CD55: variants seen among roughly 807,000 people sequenced by gnomAD.
CD55 encodes CD55 molecule (Cromer blood group).
Under a neutral mutation model 45.8 loss-of-function variants are expected in CD55, and 41 were observed. That is an observed-to-expected ratio of 0.90 (90% CI 0.70 to 1.16). CD55 has a LOEUF of 1.16. Ranked by LOEUF, CD55 falls within the 50% of genes most tolerant of loss-of-function variation. CD55 has a pLI of 0.00. For synonymous variants in CD55, 181 were observed against 181.1 expected, an observed-to-expected ratio of 1.00 and a Z score of 0.01; for missense variants, 416 against 469.8, an observed-to-expected ratio of 0.89 and a Z score of 1.06.
intron 2 of CD55, among the ~76,000 whole-genome samples, chr1:207,324,054 G>A (rs1654554334): frequency 6.6e-6 from 1 of 152,010 alleles, no homozygotes; most frequent in African/African-American, 2.4e-5. Context: ...ACAATTTGTG[G>A]GCAATCTGTT....
chr1:207,352,331 C>T (rs528323007), intron 9 of CD55, among the ~76,000 whole-genome samples: 1 of 152,090 alleles, frequency 6.6e-6, no homozygotes, highest in Non-Finnish European at 1.5e-5. Context: ...CTCCACCACA[C>T]ATATACTGTA....
chr1:207,352,861 G>C (rs901619056), intron 9 of CD55, among the ~76,000 whole-genome samples: 2 of 151,778 alleles, frequency 1.3e-5, no homozygotes, highest in African/African-American at 4.8e-5. Flanking sequence ...TCTGTGGCAA[G>C]TACTGTACTG....
At chr1:207,325,459 A>G (rs1553268471) in intron 3 of CD55, among the ~76,000 whole-genome samples, 163 bp from the exon 4 acceptor site, 1 of 152,200 alleles carries the variant, frequency 6.6e-6, no homozygotes. Context: ...TAATCGACAA[A>G]TATTATCTTA....
At chr1:207,334,195 G>A (rs1655070857) in intron 6 of CD55, among the ~76,000 whole-genome samples, 1 of 152,012 alleles carries the variant, frequency 6.6e-6, no homozygotes, top group Non-Finnish European at 1.5e-5. Flanking sequence ...TTACTGCTCA[G>A]CAAAAAATGA....
chr1:207,329,254 G>T (rs1654832125), intron 5 of CD55, among the ~76,000 whole-genome samples: 1 of 152,186 alleles, frequency 6.6e-6, no homozygotes, highest in Non-Finnish European at 1.5e-5. Context: ...ACCAACAGGG[G>T]AGAAATGCAT....
intron 5 of CD55, among the ~76,000 whole-genome samples, chr1:207,329,006 C>T (rs1654812823): frequency 1.3e-5 from 2 of 152,156 alleles, no homozygotes; most frequent in South Asian, 2.1e-4. Context: ...AAGACATGTC[C>T]ACCACATCCA....
chr1:207,358,898 T>C (rs1656177387), intron 9 of CD55, among the ~76,000 whole-genome samples: 1 of 152,152 alleles, frequency 6.6e-6, no homozygotes, highest in African/African-American at 2.4e-5. Context: ...CCACAAATAT[T>C]CGGGGGGAAA....
In CD55 at chr1:207,348,711, T is replaced by C. The variant is rs1159938554; in HGVS notation, c.1081+9294T>C. Among the ~76,000 whole-genome samples, 4 of 152,228 alleles carry C rather than the reference T, an allele frequency of 2.6e-5. 1 individual carries two copies. The highest frequency in any genetic ancestry group is 2.0e-4 in the Admixed American group (3 of 15,288). ...AGTTTTTATACTTTTAGGTTTTAAG[T>C]TTAATTCTTTAATCCATATTGAGTT... On this transcript the variant is annotated intron_variant, in intron 9 of 9. Coordinates refer to ENST00000367064, the MANE Select transcript of CD55 (RefSeq NM_000574.5).
intron 3 of CD55, 75 bp from the exon 4 acceptor site, chr1:207,325,547 A>G: frequency 1.2e-6 from 1 of 804,226 alleles, no homozygotes; most frequent in South Asian, 1.7e-5. Context: ...CATATCTACC[A>G]CCTCACATAG....
At position 207,322,447 on chromosome 1, in the gene CD55, C is replaced by G; in HGVS notation, c.166C>G (p.Pro56Ala). The change falls in exon 2 of 10, where the codon CCC (proline) becomes GCC (alanine). Residue 56 changes from proline to alanine, a missense_variant. This residue lies in a region of CD55 where 123 missense variants were observed against 105.1 expected (regional missense o/e 1.17). Coordinates refer to ENST00000367064, the MANE Select transcript of CD55 (RefSeq NM_000574.5). Reference protein sequence around the residue: ...QPALEGRTSFPEDTVITYKCE... With the variant: ...QPALEGRTSFAEDTVITYKCE... ...AGCTTTGGAAGGCCGTACAAGTTTT[C>G]CCGAGGATACTGTAATAACGTACAA... 1.9e-6 allele frequency: 3 copies of G among 1,614,196 alleles called. No individual in the cohort carries two copies. Among genetic ancestry groups the G allele is most frequent in the Admixed American group, 1.7e-5 (1 of 60,024 alleles).
At position 207,360,811 on chromosome 1, in the gene CD55, A is replaced by G. The variant is rs1303143372; in HGVS notation, c.*1201A>G. The G allele has an allele frequency of 6.6e-6, 1 of 152,196 alleles. No homozygotes were observed. Among genetic ancestry groups the G allele is most frequent in the East Asian group, 1.9e-4 (1 of 5,206 alleles). 9.4% of individuals were successfully genotyped at this position (152,196 alleles called of 1,614,324 possible). ...GACTAGACTAAGATGTACTAGTTGTATAGAATATAACTAGATTTATTATGG... is the reference window on the plus strand; with the variant it reads ...GACTAGACTAAGATGTACTAGTTGTGTAGAATATAACTAGATTTATTATGG... On this transcript the variant is annotated 3_prime_UTR_variant, in exon 10 of 10. Coordinates refer to ENST00000367064, the MANE Select transcript of CD55 (RefSeq NM_000574.5).
At chr1:207,357,751 T>G (rs1656131607) in intron 9 of CD55, among the ~76,000 whole-genome samples, 1 of 152,126 alleles carries the variant, frequency 6.6e-6, no homozygotes, top group Non-Finnish European at 1.5e-5. Context: ...TTTCTGCTTA[T>G]CCTCGGTTGG....
At chr1:207,340,469 G>A in intron 9 of CD55, 2 of 678,296 alleles carry the variant, frequency 2.9e-6, no homozygotes, top group Non-Finnish European at 5.3e-6. Context: ...GGGTTCAAGC[G>A]ATCCTTCCAC....
chr1:207,328,671 A>C (rs1362166916), intron 5 of CD55, among the ~76,000 whole-genome samples: 1 of 152,186 alleles, frequency 6.6e-6, no homozygotes, highest in Non-Finnish European at 1.5e-5. Flanking sequence ...CTAACCTAGA[A>C]TCAATCCCTG....
At chr1:207,326,887 T>A in intron 5 of CD55, 50 bp downstream of exon 5, 3 of 1,287,902 alleles carry the variant, frequency 2.3e-6, no homozygotes, top group Non-Finnish European at 3.4e-6. Context: ...GAGTACTCAA[T>A]GATAAATTAA....
rs112758300 is a variant in CD55 at position 207,342,590 on chromosome 1, T to C, written c.1081+3173T>C. 1.8e-4 allele frequency among the ~76,000 whole-genome samples: 27 copies of C among 152,284 alleles called. 1 individual carries two copies. The highest frequency in any genetic ancestry group is 6.0e-4 in the African/African-American group (25 of 41,566). ...TAATTTTTTGATGTGGTGTTGGATT[T>C]GGTTTGCTAATACTTTGCTGAGAAT... is the stretch of plus-strand genomic sequence containing the variant. On this transcript the variant is annotated intron_variant, in intron 9 of 9. Transcript: ENST00000367064.
At chr1:207,328,381 A>G (rs1654781892) in intron 5 of CD55, among the ~76,000 whole-genome samples, 1 of 152,232 alleles carries the variant, frequency 6.6e-6, no homozygotes, top group Admixed American at 6.5e-5. Flanking sequence ...ACCATACCAA[A>G]AAGATTGAAT....
At chr1:207,358,778 ATC>A (rs1336947033) in intron 9 of CD55, among the ~76,000 whole-genome samples, 1 of 152,164 alleles carries the variant, frequency 6.6e-6, no homozygotes, top group African/African-American at 2.4e-5. Context: ...AATACATTGA[ATC>A]TCTCATTACT....
At chr1:207,353,047 T>G (rs941903770) in intron 9 of CD55, among the ~76,000 whole-genome samples, 2 of 137,212 alleles carry the variant, frequency 1.5e-5, no homozygotes, top group South Asian at 2.5e-4. Context: ...CAGGTTTTTT[T>G]TTTTTTTTTT....
Sources: allele counts gnomAD v4.1 joint callset (sites outside exome capture counted in the v4.1 genomes callset), GRCh38; gene constraint gnomAD v4.1.1; regional missense constraint gnomAD v4.1.1; transcripts MANE v1.5; gene names NCBI Gene and HGNC (gene_info 2026-07-23, HGNC 2026-07-21).